The following EPSTI1 variants were observed in gnomAD, a reference collection of about 807,000 sequenced individuals.
The protein encoded by EPSTI1 is epithelial-stromal interaction protein 1.
A neutral mutation model predicts 49.9 loss-of-function variants in EPSTI1; 66 were observed. The observed-to-expected ratio is 1.32, with a 90% CI of 1.08 to 1.62. The LOEUF (loss-of-function observed/expected upper bound fraction) is 1.62. Ranked by LOEUF, EPSTI1 falls within the 40% of genes most tolerant of loss-of-function variation. The probability of loss-of-function intolerance (pLI) is 0.00; values close to 1 mark genes in which losing one functional copy is unlikely to be tolerated. For synonymous variants in EPSTI1, 137 were observed against 130.7 expected (o/e 1.05, Z -0.33); for missense variants, 394 against 365.5 (o/e 1.08, Z -0.64).
At chr13:42,904,880 C>T (rs2037455321) in intron 8 of EPSTI1, among the ~76,000 whole-genome samples, 1 of 152,132 alleles carries the variant, frequency 6.6e-6, no homozygotes, top group African/African-American at 2.4e-5. Flanking sequence ...AAAAACTACA[C>T]AAGAAAATGT....
chr13:42,980,127 A>G (rs1489654210), intron 1 of EPSTI1, among the ~76,000 whole-genome samples: 1 of 152,164 alleles, frequency 6.6e-6, no homozygotes, highest in African/African-American at 2.4e-5. Context: ...GATTAGGTTA[A>G]ACATTTTTAG....
rs2040204596 is a variant in EPSTI1, at chr13:42,992,015, G to A, written c.151C>T (p.Pro51Ser). The A allele has an allele frequency of 2.5e-6, 4 of 1,613,476 alleles. No homozygotes were observed. The highest frequency in any genetic ancestry group is 1.3e-5 in the African/African-American group (1 of 75,048). ...REGLEAAPKG[P>S]SRESVVHAGQ... ...GCGTGCACGACGCTCTCCCGCGAAGGGCCCTTAGGGGCTGCCTCCAAACCC... is the reference window on the plus strand; with the variant it reads ...GCGTGCACGACGCTCTCCCGCGAAGAGCCCTTAGGGGCTGCCTCCAAACCC... The change falls in exon 1 of 11, where the codon CCT (proline) becomes TCT (serine). Residue 51 changes from proline to serine, a missense_variant. Physicochemically the swap from Pro to Ser is moderately conservative, Grantham distance 74. Transcript: ENST00000313624.
At chr13:42,957,861 A>C (rs1392065611) in intron 5 of EPSTI1, among the ~76,000 whole-genome samples, 1 of 152,244 alleles carries the variant, frequency 6.6e-6, no homozygotes, top group African/African-American at 2.4e-5. Context: ...GGCATGAGCC[A>C]CCATACCCAG....
At chr13:42,941,510 C>T (rs966243872) in intron 6 of EPSTI1, among the ~76,000 whole-genome samples, 7 of 151,326 alleles carry the variant, frequency 4.6e-5, no homozygotes, top group African/African-American at 7.3e-5. Context: ...AGTCCCCCTA[C>T]GTGGGAGGCT....
chr13:42,889,272 A>T (rs776387264), intron 10 of EPSTI1: 1 of 1,307,610 alleles, frequency 7.6e-7, no homozygotes, highest in South Asian at 1.4e-5. Context: ...TATTTTTTAC[A>T]TATAAAAGCA....
At chr13:42,987,527 T>A (rs1248913983) in intron 1 of EPSTI1, among the ~76,000 whole-genome samples, 5 of 152,046 alleles carry the variant, frequency 3.3e-5, no homozygotes, top group Non-Finnish European at 5.9e-5. Context: ...GCTTTGAATG[T>A]GGCCCAACAC....
chr13:42,927,707 A>T (rs1284539973), intron 6 of EPSTI1, among the ~76,000 whole-genome samples: 3 of 152,224 alleles, frequency 2.0e-5, no homozygotes, highest in Non-Finnish European at 4.4e-5. Flanking sequence ...GTGAAGCAAC[A>T]TACAGAACCC....
rs143639984 is a variant in EPSTI1, at chr13:42,956,267, A to G, written c.490-2246T>C. Among the ~76,000 whole-genome samples the G allele has an allele frequency of 9.5e-3, 1,452 of 152,318 alleles. 22 individuals carry two copies. The highest frequency in any genetic ancestry group is 0.032 in the African/African-American group (1,311 of 41,564). On this transcript the variant is annotated intron_variant, in intron 5 of 10. Transcript: ENST00000313624. ...GGGAATGTGGTTTCTAACTTTGGGT[A>G]AGCTGCATGTTATGAGGGTGCTTCT...
chr13:42,931,439 T>C (rs2038368136), intron 6 of EPSTI1, among the ~76,000 whole-genome samples: 1 of 151,526 alleles, frequency 6.6e-6, no homozygotes, highest in Non-Finnish European at 1.5e-5. Context: ...TCTCCTGACC[T>C]CATGATCCAC....
chr13:42,895,774 T>C (rs984343026), intron 9 of EPSTI1, among the ~76,000 whole-genome samples: 1 of 152,190 alleles, frequency 6.6e-6, no homozygotes, highest in Non-Finnish European at 1.5e-5. Flanking sequence ...TATGGCTGAG[T>C]AGAGTCAGGG....
chr13:42,990,202 T>C (rs2040169452), intron 1 of EPSTI1, among the ~76,000 whole-genome samples: 1 of 150,896 alleles, frequency 6.6e-6, no homozygotes, highest in South Asian at 2.1e-4. Context: ...AGGAAGACTC[T>C]GTGAGAGATA....
At chr13:42,988,850 G>GTTTATTTA (rs71734350) in intron 1 of EPSTI1, among the ~76,000 whole-genome samples, 1 of 149,890 alleles carries the variant, frequency 6.7e-6, no homozygotes, top group African/African-American at 2.5e-5. Flanking sequence ...CAAATAGGTG[G>GTTTATTTA]TTTATTTATT....
chr13:42,913,832 A>G (rs768675266), intron 8 of EPSTI1, among the ~76,000 whole-genome samples: 26 of 152,200 alleles, frequency 1.7e-4, no homozygotes, highest in Non-Finnish European at 3.2e-4. Flanking sequence ...GTAATCCCCA[A>G]TCTTGGGGAA....
intron 8 of EPSTI1, among the ~76,000 whole-genome samples, chr13:42,917,243 GTTT>G (rs1019782756): frequency 2.6e-5 from 4 of 151,958 alleles, no homozygotes; most frequent in African/African-American, 9.7e-5. Flanking sequence ...TGGTGGTGGT[GTTT>G]TGTTTTGCAG....
intron 9 of EPSTI1, among the ~76,000 whole-genome samples, chr13:42,895,963 G>C (rs1419071827): frequency 1.3e-5 from 2 of 152,206 alleles, no homozygotes; most frequent in African/African-American, 4.8e-5. Context: ...TGAGCCTCTT[G>C]TTCAGTCATG....
chr13:42,976,210 G>A (rs902214699), intron 1 of EPSTI1, among the ~76,000 whole-genome samples: 6 of 152,200 alleles, frequency 3.9e-5, no homozygotes, highest in African/African-American at 1.4e-4. Flanking sequence ...CTGGCCTCCA[G>A]TCTTATGATG....
chr13:42,948,464 T>G (rs200005815), intron 6 of EPSTI1, among the ~76,000 whole-genome samples: 1 of 18,036 alleles, frequency 5.5e-5, no homozygotes, highest in Non-Finnish European at 1.1e-4. Context: ...TTTTTTGTGT[T>G]TTTTTTTTTG....
intron 7 of EPSTI1, among the ~76,000 whole-genome samples, chr13:42,923,011 C>T (rs2153420649): frequency 6.6e-6 from 1 of 152,310 alleles, no homozygotes; most frequent in South Asian, 2.1e-4. Context: ...TGCTTCCCCT[C>T]ACCCCTTTGC....
intron 1 of EPSTI1, among the ~76,000 whole-genome samples, chr13:42,989,228 C>T (rs1391964391): frequency 1.3e-5 from 2 of 151,914 alleles, no homozygotes; most frequent in Non-Finnish European, 2.9e-5. Context: ...AGGGTGACAG[C>T]ATAGTACTTT....
Sources: gnomAD v4.1 joint callset for allele counts (sites outside exome capture counted in the v4.1 genomes callset) on GRCh38, gnomAD v4.1.1 for gene constraint, MANE v1.5 for transcripts, NCBI Gene and HGNC (gene_info 2026-07-23, HGNC 2026-07-21) for gene names.